Variants in UCK2 observed in about 807,000 individuals in gnomAD.
The protein encoded by UCK2 is cytidine monophosphokinase 2.
UCK2 carries 6 observed loss-of-function variants against 30.8 expected under a neutral mutation model. The observed-to-expected ratio is 0.19, with a 90% confidence interval of 0.11 to 0.38. UCK2 has a LOEUF of 0.38. Ranked by LOEUF, UCK2 falls within the 10% of genes least tolerant of loss-of-function variation. UCK2 has a pLI of 1.00. For missense variants in UCK2, 210 were observed against 339.8 expected (o/e 0.62, Z 3.00); for synonymous variants, 125 against 133.6 (o/e 0.94, Z 0.45).
chr1:165,893,931 A>G (rs1220596006), intron 3 of UCK2, among the ~76,000 whole-genome samples: 1 of 152,236 alleles, frequency 6.6e-6, no homozygotes, highest in Non-Finnish European at 1.5e-5. Context: ...AATGCTCTTA[A>G]TATCTAGTGT....
intron 1 of UCK2, among the ~76,000 whole-genome samples, chr1:165,865,847 T>C (rs1655032745): frequency 6.6e-6 from 1 of 152,212 alleles, no homozygotes; most frequent in Non-Finnish European, 1.5e-5. Flanking sequence ...GAGACTTTGC[T>C]TTCATCAACA....
At chr1:165,853,487 C>T (rs759115514) in intron 1 of UCK2, among the ~76,000 whole-genome samples, 8 of 151,790 alleles carry the variant, frequency 5.3e-5, no homozygotes, top group African/African-American at 7.3e-5. Flanking sequence ...CTCTCACCCA[C>T]CCCCGCTCCA....
chr1:165,854,628 A>AATAC (rs1654682457), intron 1 of UCK2, among the ~76,000 whole-genome samples: 1 of 151,382 alleles, frequency 6.6e-6, no homozygotes, highest in Non-Finnish European at 1.5e-5. Context: ...TAAATAAATA[A>AATAC]ATAAATAAAT....
intron 1 of UCK2, among the ~76,000 whole-genome samples, chr1:165,843,774 C>T (rs1664469031): frequency 6.6e-6 from 1 of 152,142 alleles, no homozygotes; most frequent in Non-Finnish European, 1.5e-5. Flanking sequence ...TCATACTTTG[C>T]CACTTTTTAT....
chr1:165,844,564 A>G (rs974219628), intron 1 of UCK2, among the ~76,000 whole-genome samples: 1 of 152,176 alleles, frequency 6.6e-6, no homozygotes, highest in African/African-American at 2.4e-5. Flanking sequence ...TGTTCTAACA[A>G]GATAACTGTG....
intron 1 of UCK2, among the ~76,000 whole-genome samples, chr1:165,868,796 G>A (rs768130167): frequency 9.9e-5 from 15 of 152,218 alleles, no homozygotes; most frequent in Non-Finnish European, 2.1e-4. Context: ...GTTCACTGGA[G>A]TGGTACTTTT....
At chr1:165,897,358 T>G (rs965829258) in intron 4 of UCK2, among the ~76,000 whole-genome samples, 5 of 152,074 alleles carry the variant, frequency 3.3e-5, no homozygotes, top group Admixed American at 1.3e-4. Flanking sequence ...GCTCTGCTGA[T>G]CTAGACGAGA....
At chr1:165,870,705 A>C (rs1226838735) in intron 1 of UCK2, among the ~76,000 whole-genome samples, 1 of 152,232 alleles carries the variant, frequency 6.6e-6, no homozygotes, top group Non-Finnish European at 1.5e-5. Flanking sequence ...GTGACGTGGA[A>C]GGAGGTTATC....
At chr1:165,858,283 T>A (rs1423696011) in intron 1 of UCK2, among the ~76,000 whole-genome samples, 1 of 152,146 alleles carries the variant, frequency 6.6e-6, no homozygotes, top group East Asian at 1.9e-4. Flanking sequence ...TGCCTGAAGT[T>A]GCTCCACCAG....
intron 1 of UCK2, among the ~76,000 whole-genome samples, chr1:165,856,748 G>A (rs528511117): frequency 6.6e-6 from 1 of 152,196 alleles, no homozygotes; most frequent in South Asian, 2.1e-4. Flanking sequence ...CTTATCCAGT[G>A]GGAGCTGGAA....
Position 165,896,177 on chromosome 1 carries a change from C to T in UCK2, c.357-13C>T. 1.2e-6 allele frequency: 2 copies of T among 1,613,926 alleles called. No individual in the cohort carries two copies. Among genetic ancestry groups the T allele is most frequent in the Non-Finnish European group, 1.7e-6 (2 of 1,179,986 alleles). On this transcript the variant is annotated splice_polypyrimidine_tract_variant and intron_variant, in intron 3 of 6. Transcript: ENST00000367879. ...TGCCTGGCTTGGCCCATTATCTGCT[C>T]TGTGCTTTGCAGGAAGGAGGAGACA... is the stretch of plus-strand genomic sequence containing the variant.
intron 1 of UCK2, among the ~76,000 whole-genome samples, chr1:165,863,352 C>G (rs149791646): frequency 2.0e-4 from 31 of 152,360 alleles, no homozygotes; most frequent in South Asian, 1.7e-3. Flanking sequence ...TCTGGATCTG[C>G]AAGCACCAGC....
chr1:165,897,971 A>G (rs1432802622), intron 4 of UCK2: 1 of 151,972 alleles, frequency 6.6e-6, no homozygotes, highest in Non-Finnish European at 1.5e-5. Flanking sequence ...TACAGGGGAG[A>G]CAGGCCTGCT....
At chr1:165,888,788 A>G (rs1291413740) in intron 1 of UCK2, among the ~76,000 whole-genome samples, 3 of 151,956 alleles carry the variant, frequency 2.0e-5, no homozygotes, top group East Asian at 1.9e-4. Flanking sequence ...CGGCAGGTCA[A>G]TCAGTTTCAT....
intron 1 of UCK2, among the ~76,000 whole-genome samples, chr1:165,832,285 A>G (rs577092193): frequency 6.6e-6 from 1 of 152,166 alleles, no homozygotes; most frequent in East Asian, 1.9e-4. Flanking sequence ...TTCTTGTCTT[A>G]TGCTTATTTG....
intron 3 of UCK2, chr1:165,894,086 T>C (rs541958919): frequency 2.6e-5 from 4 of 152,282 alleles, no homozygotes; most frequent in East Asian, 1.9e-4. Flanking sequence ...GGGAGGCTCA[T>C]TGTAGATCCT....
At chr1:165,895,363 CA>C in intron 3 of UCK2, 1 of 531,828 alleles carries the variant, frequency 1.9e-6, no homozygotes, top group Non-Finnish European at 2.4e-6. Flanking sequence ...GCAGTGAGTC[CA>C]AGATTGCGCC....
chr1:165,854,757 T>A (rs1370137046), intron 1 of UCK2, among the ~76,000 whole-genome samples: 1 of 152,134 alleles, frequency 6.6e-6, no homozygotes, highest in South Asian at 2.1e-4. Context: ...CCCCCACTCT[T>A]CCCACTTAAC....
chr1:165,839,992 G>A (rs906291323), intron 1 of UCK2, among the ~76,000 whole-genome samples: 2 of 152,010 alleles, frequency 1.3e-5, no homozygotes, highest in South Asian at 2.1e-4. Context: ...GCGCGATCTC[G>A]GCCCACTGCA....
Sources: gnomAD v4.1 joint callset for allele counts (sites outside exome capture counted in the v4.1 genomes callset) on GRCh38, gnomAD v4.1.1 for gene constraint, MANE v1.5 for transcripts, NCBI Gene and HGNC (gene_info 2026-07-23, HGNC 2026-07-21) for gene names.